EML3: variants seen among roughly 807,000 people sequenced by gnomAD.
EML3 encodes the protein EMAP like 3, also known as echinoderm microtubule-associated protein-like 3.
A neutral mutation model predicts 106.7 loss-of-function variants in EML3; 53 were observed. The observed-to-expected ratio is 0.50, with a 90% CI of 0.40 to 0.62. The LOEUF (loss-of-function observed/expected upper bound fraction) is 0.62, where lower values mean the gene tolerates loss of function less well. Among genes scored for constraint, EML3 ranks in the 20% least tolerant of loss-of-function variants. The probability of loss-of-function intolerance (pLI) is 0.00; values close to 1 mark genes in which losing one functional copy is unlikely to be tolerated. For missense variants in EML3, 994 were observed against 1,209.1 expected, an observed-to-expected ratio of 0.82 and a Z score of 2.64; for synonymous variants, 499 against 489.6, an observed-to-expected ratio of 1.02 and a Z score of -0.25.
At position 62,609,104 on chromosome 11, in the gene EML3, A is replaced by C. The variant is rs1413888130; in HGVS notation, c.787T>G (p.Ser263Ala). The change falls in exon 7 of 22, where the codon TCT becomes GCT. Residue 263 changes from serine (S) to alanine (A), a missense_variant. Transcript: ENST00000394773. Reference sequence around the variant, plus strand: ...CCAGAGCGCAACACAAACAGATTAGAGCGGGAGTCACGACCCCTGTACCCA... The same window carrying C: ...CCAGAGCGCAACACAAACAGATTAGCGCGGGAGTCACGACCCCTGTACCCA... ...VYGYRGRDSR[S>A]NLFVLRSGEV... The C allele has an allele frequency of 1.2e-6, 2 of 1,614,002 alleles. No homozygotes were observed. Among genetic ancestry groups the C allele is most frequent in the Non-Finnish European group, 1.7e-6 (2 of 1,180,028 alleles).
chr11:62,605,143 G>T lies in EML3; in HGVS notation c.1952C>A (p.Ala651Glu). The T allele has an allele frequency of 6.2e-7, 1 of 1,613,012 alleles. No homozygotes were observed. ...GLCADFHPSG[A>E]VVAVGLNTGR... ...CGTGTTCAGTCCTACGGCCACAACT[G>T]CCCCACTCGGGTGGAAGTCAGCACA... The change falls in exon 16 of 22, where the codon GCA becomes GAA. Residue 651 changes from alanine to glutamate, a missense_variant. Transcript: ENST00000394773. This position sits in a 1 kb window ranked among gnomAD's most constrained non-coding sequence, Gnocchi z 5.2.
chr11:62,612,659 C>T lies in EML3; in HGVS notation c.-202G>A. ...CCGGGGCCGCAGTCTCCAGACCCCC[C>T]CGGGCCCTCGGACTCTCCCGGGGCC... On this transcript the variant is annotated 5_prime_UTR_variant, in exon 1 of 22. Coordinates refer to ENST00000394773, the MANE Select transcript of EML3 (RefSeq NM_153265.3). 2 of 421,746 alleles carry T rather than the reference C, an allele frequency of 4.7e-6. No homozygotes were observed. Among genetic ancestry groups the T allele is most frequent in the Non-Finnish European group, 8.0e-6 (2 of 248,926 alleles). The allele number at this position is 421,746 out of a possible 1,614,324, so 26.1% of individuals were successfully genotyped here.
At position 62,610,925 on chromosome 11, in the gene EML3, C is replaced by A. The variant is rs371244231; in HGVS notation, c.520G>T (p.Ala174Ser). The A allele has an allele frequency of 2.4e-5, 38 of 1,612,818 alleles. No individual in the cohort carries two copies. The highest frequency in any genetic ancestry group is 3.1e-5 in the Non-Finnish European group (36 of 1,179,694). Residue 174 changes from alanine (A) to serine (S), a missense_variant, in exon 4 of 22, where the codon GCA becomes TCA. Physicochemically the swap from Ala to Ser is moderately conservative, Grantham distance 99 (BLOSUM62 1). Transcript: ENST00000394773. ...ACTAACAGGTTGGCGGAGGAGATTG[C>A]CTTCCTGGAGAGCTTCTGCCGAGGC... ...ERPRQKLSRK[A>S]ISSANLLVRS...
At chr11:62,606,729 T>G (rs1942539569) in intron 12 of EML3, among the ~76,000 whole-genome samples, 1 of 152,126 alleles carries the variant, frequency 6.6e-6, no homozygotes, top group Non-Finnish European at 1.5e-5. Context: ...TGGTGGCGTG[T>G]GCCTGTACTT....
At chr11:62,607,907 T>G (rs1003632152) in intron 10 of EML3, 86 bp from the exon 11 acceptor site, 2 of 1,508,914 alleles carry the variant, frequency 1.3e-6, no homozygotes, top group African/African-American at 2.8e-5. Context: ...TCATGACAGC[T>G]GGCTGGCAGA....
intron 10 of EML3, 60 bp from the exon 11 acceptor site, chr11:62,607,881 C>G: frequency 1.3e-6 from 2 of 1,570,528 alleles, no homozygotes; most frequent in Non-Finnish European, 1.7e-6. Flanking sequence ...TTCTACTTGA[C>G]TCTCCTCAAT....
At chr11:62,611,636 C>T in intron 1 of EML3, 40 bp from the exon 2 acceptor site, 1 of 1,585,708 alleles carries the variant, frequency 6.3e-7, no homozygotes, top group South Asian at 1.1e-5. Context: ...GTACCCATCA[C>T]CTGAAGAAAG....
Position 62,605,118 on chromosome 11 carries a change from C to T in EML3, c.1977G>A (p.Thr659=), listed in dbSNP as rs1188977770. 3 of 1,612,170 alleles carry T rather than the reference C, an allele frequency of 1.9e-6. No homozygotes were observed. The highest frequency in any genetic ancestry group is 1.7e-5 in the Admixed American group (1 of 59,832). Residue 659 remains threonine, a synonymous_variant, in exon 16 of 22, where the codon ACG becomes ACA. Transcript: ENST00000394773. The surrounding 1 kb of genome is among the most constrained non-coding windows in gnomAD (Gnocchi z 5.2). ...SGAVVAVGLN[T]GRWLVLDTET... ...GAGTCCTGGCTCTCTCTCACCTCCC[C>T]GTGTTCAGTCCTACGGCCACAACTG...
chr11:62,612,389 C>A, intron 1 of EML3, 47 bp downstream of exon 1: 1 of 1,494,490 alleles, frequency 6.7e-7, no homozygotes, highest in Non-Finnish European at 8.9e-7. Context: ...CCCGACGAGC[C>A]GGGCGCTCCG....
In EML3 at chr11:62,611,163, T is replaced by C. The variant is rs377234098; in HGVS notation, c.376A>G (p.Ser126Gly). The C allele has an allele frequency of 9.0e-5, 144 of 1,603,824 alleles. No individual in the cohort carries two copies. The highest frequency in any genetic ancestry group is 3.3e-4 in the Middle Eastern group (2 of 6,032). The change falls in exon 3 of 22, where the codon AGC becomes GGC. Residue 126 changes from serine (S) to glycine (G), a missense_variant. Coordinates refer to ENST00000394773, the MANE Select transcript of EML3 (RefSeq NM_153265.3). ...PSGTQSEGGG[S>G]SSSGAGSPGP... ...GGGGAGCCAGCACCACTGCTGCTGC[T>C]GCCCCCTCCTTCAGATTGGGTCCCG...
intron 12 of EML3, 143 bp from the exon 13 acceptor site, chr11:62,606,357 A>G (rs912739517): frequency 3.1e-6 from 3 of 953,356 alleles, no homozygotes; most frequent in Admixed American, 2.8e-5. Context: ...CTGCCAACAC[A>G]TCTGTTATTC....
rs199938949 is a variant in EML3 at position 62,611,606 on chromosome 11, G to T, written c.23-10C>A. On this transcript the variant is annotated splice_polypyrimidine_tract_variant and intron_variant, in intron 1 of 21. Coordinates refer to ENST00000394773, the MANE Select transcript of EML3 (RefSeq NM_153265.3). ...CGAGCAGGGCCGTCACCTGGGAAAAGGGCAAGAGGTACTCAGAATGTACCC... is the reference window on the plus strand; with the variant it reads ...CGAGCAGGGCCGTCACCTGGGAAAATGGCAAGAGGTACTCAGAATGTACCC... 909 of 1,610,458 alleles carry T rather than the reference G, an allele frequency of 5.6e-4. 2 individuals are homozygous for T. Among genetic ancestry groups the T allele is most frequent in the South Asian group, 4.1e-3 (368 of 90,758 alleles).
chr11:62,604,855 A>C (rs961865959), intron 16 of EML3: 1 of 322,112 alleles, frequency 3.1e-6, no homozygotes. Context: ...TCCCATTCCC[A>C]CTGTTTCTCT....
Position 62,608,282 on chromosome 11 carries a change from A to G in EML3, c.1125T>C (p.Phe375=), listed in dbSNP as rs1169878606. 1 of 1,613,942 alleles carries G rather than the reference A, an allele frequency of 6.2e-7. No individual in the cohort carries two copies. The highest frequency in any genetic ancestry group is 8.5e-7 in the Non-Finnish European group (1 of 1,179,992). Residue 375 remains phenylalanine (F), a synonymous_variant, in exon 10 of 22, where the codon TTT becomes TTC. Coordinates refer to ENST00000394773, the MANE Select transcript of EML3 (RefSeq NM_153265.3). ...LAFSAADQGA[F]LCVVDDSNEH... ...CATTGGAATCATCCACCACACAAAGAAAGGCACCCTGATCCTGAAGAAGGG... is the reference window on the plus strand; with the variant it reads ...CATTGGAATCATCCACCACACAAAGGAAGGCACCCTGATCCTGAAGAAGGG...
rs1175771274 is a variant in EML3 at position 62,608,234 on chromosome 11, G to C, written c.1173C>G (p.Asp391Glu). 6.2e-7 allele frequency: 1 copy of C among 1,613,788 alleles called. No homozygotes were observed. Among genetic ancestry groups the C allele is most frequent in the African/African-American group, 1.3e-5 (1 of 74,852 alleles). ...DSNEHMLSVW[D>E]CSRGMKLAEI... ...CAGCCAGCTTCATTCCCCGGCTGCA[G>C]TCCCACACCGACAGCATGTGCTCAT... Residue 391 changes from aspartate (D) to glutamate (E), a missense_variant, in exon 10 of 22, where the codon GAC becomes GAG. By Grantham distance (45) the Asp-to-Glu change is conservative. Around this residue, in one of 3 missense-constraint regions of EML3, gnomAD observed 713 missense variants for 920.5 expected, o/e 0.77. Coordinates refer to ENST00000394773, the MANE Select transcript of EML3 (RefSeq NM_153265.3).
Position 62,602,840 on chromosome 11 carries a change from G to A in EML3, c.2406C>T (p.Arg802=). ...CCGCCACCACGCGCTCGTTGTGGGA[G>A]CGGCACAGGGAGTTGATGTCGGTCC... ...SDGTDINSLC[R]SHNERVVAVA... The change falls in exon 21 of 22, where the codon CGC becomes CGT. Residue 802 remains arginine (R), a synonymous_variant. Coordinates refer to ENST00000394773, the MANE Select transcript of EML3 (RefSeq NM_153265.3). The A allele has an allele frequency of 3.1e-6, 5 of 1,605,646 alleles. No individual in the cohort carries two copies. Among genetic ancestry groups the A allele is most frequent in the Non-Finnish European group, 4.2e-6 (5 of 1,176,712 alleles).
At chr11:62,602,996 T>G in intron 20 of EML3, 107 bp from the exon 21 acceptor site, 1 of 1,479,820 alleles carries the variant, frequency 6.8e-7, no homozygotes, top group Non-Finnish European at 9.0e-7. Context: ...ACTGCCGCGT[T>G]CCAGGCAAGC....
intron 11 of EML3, 178 bp from the exon 12 acceptor site, chr11:62,607,277 G>A (rs548265288): frequency 1.9e-5 from 12 of 645,290 alleles, no homozygotes; most frequent in African/African-American, 5.5e-5. Flanking sequence ...GTGAAATCCC[G>A]CACTGCACTC....
Position 62,605,888 on chromosome 11 carries a change from T to C in EML3, c.1749A>G (p.Gly583=). 1.9e-6 allele frequency: 3 copies of C among 1,614,112 alleles called. No homozygotes were observed. Among genetic ancestry groups the C allele is most frequent in the Non-Finnish European group, 2.5e-6 (3 of 1,180,020 alleles). Residue 583 remains glycine (G), a synonymous_variant, in exon 14 of 22, where the codon GGA becomes GGG. Coordinates refer to ENST00000394773, the MANE Select transcript of EML3 (RefSeq NM_153265.3). This position sits in a 1 kb window ranked among gnomAD's most constrained non-coding sequence, Gnocchi z 5.2. ...CAGGGGAGAAGCCCTGGGCCAGGTC[T>C]CCCCTCAGCAATGCATTCTTCGTGG... is the stretch of plus-strand genomic sequence containing the variant. ...VGTTKNALLR[G]DLAQGFSPVI...
Sources: allele counts gnomAD v4.1 joint callset (sites outside exome capture counted in the v4.1 genomes callset), GRCh38; gene constraint gnomAD v4.1.1; regional missense constraint gnomAD v4.1.1; non-coding constraint Gnocchi (gnomAD v3.1); transcripts MANE v1.5; gene names NCBI Gene and HGNC (gene_info 2026-07-23, HGNC 2026-07-21).